The following CCDC30 variants were observed in gnomAD, a reference collection of about 807,000 sequenced individuals.
CCDC30 encodes the protein coiled-coil domain containing 30.
CCDC30 carries 70 observed loss-of-function variants against 100.2 expected under a neutral mutation model. That is an observed-to-expected ratio of 0.70 (90% confidence interval 0.58 to 0.85). The LOEUF (loss-of-function observed/expected upper bound fraction) is 0.85, where lower values mean the gene tolerates loss of function less well. Among genes scored for constraint, CCDC30 ranks in the 40% least tolerant of loss-of-function variants. The pLI is 0.00. For synonymous variants in CCDC30, 233 were observed against 269.5 expected, an observed-to-expected ratio of 0.86 and a Z score of 1.33; for missense variants, 652 against 771.2, an observed-to-expected ratio of 0.85 and a Z score of 1.83.
intron 6 of CCDC30, among the ~76,000 whole-genome samples, chr1:42,543,424 T>C (rs755650279): frequency 1.3e-5 from 2 of 152,038 alleles, no homozygotes; most frequent in African/African-American, 4.8e-5. Context: ...CAGGTTCAAG[T>C]GATTTTCATG....
chr1:42,497,077 C>G, intron 4 of CCDC30, 21 bp from the exon 5 acceptor site: 1 of 1,191,092 alleles, frequency 8.4e-7, no homozygotes. Context: ...GTTGAGTAAA[C>G]TGTGTTCTTC....
At chr1:42,462,492 G>A (rs541859572), upstream of CCDC30, among the ~76,000 whole-genome samples, 1 of 152,110 alleles carries the variant, frequency 6.6e-6, no homozygotes, top group Admixed American at 6.5e-5. Context: ...AAATACGTCC[G>A]GATAATGCAT....
At chr1:42,475,969 A>G (rs553380160) in intron 1 of CCDC30, among the ~76,000 whole-genome samples, 30 of 152,312 alleles carry the variant, frequency 2.0e-4, no homozygotes, top group African/African-American at 6.5e-4. Context: ...ATTTATTTAA[A>G]TTGGAAATAA....
At chr1:42,470,239 G>C (rs972225609) in intron 1 of CCDC30, among the ~76,000 whole-genome samples, 1 of 152,056 alleles carries the variant, frequency 6.6e-6, no homozygotes, top group Non-Finnish European at 1.5e-5. Context: ...CACTGTAATT[G>C]TAGAATTCTT....
intron 8 of CCDC30, among the ~76,000 whole-genome samples, chr1:42,577,528 G>A (rs1032426776): frequency 6.6e-6 from 1 of 152,092 alleles, no homozygotes; most frequent in South Asian, 2.1e-4. Flanking sequence ...TTGAGAAGGC[G>A]TATTCTCTCA....
At chr1:42,466,703 C>T (rs1483599945) in intron 1 of CCDC30, among the ~76,000 whole-genome samples, 3 of 152,028 alleles carry the variant, frequency 2.0e-5, no homozygotes, top group African/African-American at 4.8e-5. Context: ...AGGCACCCGC[C>T]ACCATGCCCG....
chr1:42,641,250 T>TGC (rs1647366922), intron 12 of CCDC30, among the ~76,000 whole-genome samples: 1 of 145,872 alleles, frequency 6.9e-6, no homozygotes, highest in Non-Finnish European at 1.5e-5. Flanking sequence ...TGTGTGTGTG[T>TGC]GTGTGTGTGT....
chr1:42,643,232 G>A (rs1647605716), intron 13 of CCDC30, among the ~76,000 whole-genome samples: 1 of 152,172 alleles, frequency 6.6e-6, no homozygotes, highest in Admixed American at 6.5e-5. Flanking sequence ...AATCCCAGGA[G>A]AGAGGCACTA....
chr1:42,639,156 C>T (rs1044011017), intron 12 of CCDC30, among the ~76,000 whole-genome samples: 1 of 152,028 alleles, frequency 6.6e-6, no homozygotes, highest in Non-Finnish European at 1.5e-5. Flanking sequence ...TTTGCAGATA[C>T]AATTAGTTAA....
chr1:42,644,410 C>T (rs979027126), intron 13 of CCDC30, among the ~76,000 whole-genome samples: 1 of 152,174 alleles, frequency 6.6e-6, no homozygotes, highest in Admixed American at 6.5e-5. Context: ...AAGAGGGGAT[C>T]TGCCTTCCCC....
intron 12 of CCDC30, 29 bp from the exon 17 acceptor site, chr1:42,642,444 T>A: frequency 6.9e-7 from 1 of 1,454,710 alleles, no homozygotes; most frequent in Non-Finnish European, 9.1e-7. Context: ...TCTCCTGCTG[T>A]GGTAATTAGG....
chr1:42,554,275 C>CT (rs1286952607), intron 6 of CCDC30, among the ~76,000 whole-genome samples: 7,005 of 131,170 alleles, frequency 0.053, 498 homozygotes, highest in African/African-American at 0.16. Flanking sequence ...TTTATGGCTT[C>CT]TTTTTTTTTT....
intron 3 of CCDC30, among the ~76,000 whole-genome samples, chr1:42,488,094 C>T (rs1279903682): frequency 6.6e-6 from 1 of 152,032 alleles, no homozygotes; most frequent in East Asian, 1.9e-4. Context: ...TAGGTATTAC[C>T]ATAACTCTGC....
chr1:42,644,884 C>T (rs1020725353), intron 14 of CCDC30, 77 bp downstream of exon 18: 1 of 922,532 alleles, frequency 1.1e-6, no homozygotes, highest in Non-Finnish European at 1.8e-6. Flanking sequence ...TGTCTCTTGC[C>T]TTCATCTTTA....
chr1:42,544,736 G>T (rs1319816996), intron 6 of CCDC30, among the ~76,000 whole-genome samples: 2 of 151,922 alleles, frequency 1.3e-5, no homozygotes, highest in African/African-American at 4.8e-5. Context: ...TGAACTCCTG[G>T]ACTCAAGCAA....
intron 7 of CCDC30, among the ~76,000 whole-genome samples, chr1:42,574,641 A>T (rs553763591): frequency 9.2e-5 from 14 of 152,184 alleles, no homozygotes; most frequent in Non-Finnish European, 1.9e-4. Context: ...CACATATTTC[A>T]CAGTTTAGAG....
chr1:42,591,810 G>A (rs1646192184), intron 10 of CCDC30: 1 of 152,376 alleles, frequency 6.6e-6, no homozygotes, highest in Non-Finnish European at 1.5e-5. Flanking sequence ...AGTGAGATCA[G>A]CCACAGGGGC....
intron 11 of CCDC30, among the ~76,000 whole-genome samples, chr1:42,636,863 G>A (rs1647166642): frequency 1.3e-5 from 2 of 149,818 alleles, no homozygotes; most frequent in Admixed American, 1.3e-4. Flanking sequence ...CTACTCGGGA[G>A]GCTGAAGCAG....
intron 10 of CCDC30, among the ~76,000 whole-genome samples, chr1:42,607,728 AT>A: frequency 6.6e-6 from 1 of 152,306 alleles, no homozygotes; most frequent in African/African-American, 2.4e-5. Context: ...AGAAAGGGAT[AT>A]CTATGAAGCT....
Sources: allele counts gnomAD v4.1 joint callset (sites outside exome capture counted in the v4.1 genomes callset), GRCh38; gene constraint gnomAD v4.1.1; transcripts MANE v1.5; gene names NCBI Gene and HGNC (gene_info 2026-07-23, HGNC 2026-07-21).